The following ABHD17C variants were observed in gnomAD, a reference collection of about 807,000 sequenced individuals.
ABHD17C encodes abhydrolase domain containing 17C, depalmitoylase, also known as alpha/beta hydrolase domain-containing protein 17C.
A neutral mutation model predicts 27.9 loss-of-function variants in ABHD17C; 11 were observed. The ratio of observed to expected loss-of-function variants is 0.39; its 90% CI spans 0.25 to 0.65. ABHD17C has a LOEUF of 0.65. Among genes scored for constraint, ABHD17C ranks in the 30% least tolerant of loss-of-function variants. The probability of loss-of-function intolerance (pLI) is 0.45; values close to 1 mark genes in which losing one functional copy is unlikely to be tolerated. For missense variants in ABHD17C, 280 were observed against 470.2 expected, an observed-to-expected ratio of 0.60 and a Z score of 3.74; for synonymous variants, 233 against 209.1, an observed-to-expected ratio of 1.11 and a Z score of -0.98.
intron 1 of ABHD17C, among the ~76,000 whole-genome samples, chr15:80,726,132 T>TGCA (rs1721371790): frequency 1.3e-5 from 2 of 152,274 alleles, no homozygotes. Flanking sequence ...GCTAGTTAAC[T>TGCA]GCAGCAGGAG....
intron 1 of ABHD17C, among the ~76,000 whole-genome samples, chr15:80,700,404 T>C (rs979293413): frequency 6.6e-6 from 1 of 152,150 alleles, no homozygotes; most frequent in Non-Finnish European, 1.5e-5. Context: ...AGAAGTCGTC[T>C]TTGATGCTTC....
intron 1 of ABHD17C, among the ~76,000 whole-genome samples, chr15:80,725,567 C>A (rs907049920): frequency 6.6e-6 from 1 of 152,084 alleles, no homozygotes; most frequent in Non-Finnish European, 1.5e-5. Flanking sequence ...TGATGGAGTT[C>A]AGTAGCATGA....
intron 1 of ABHD17C, among the ~76,000 whole-genome samples, chr15:80,713,781 C>G (rs1470055675): frequency 6.6e-6 from 1 of 151,828 alleles, no homozygotes; most frequent in East Asian, 1.9e-4. Context: ...TGCACTCCAG[C>G]CTGAGTGACA....
chr15:80,750,101 A>C (rs1895345993), intron 2 of ABHD17C, among the ~76,000 whole-genome samples: 1 of 152,212 alleles, frequency 6.6e-6, no homozygotes, highest in Non-Finnish European at 1.5e-5. Flanking sequence ...TAGACACTCA[A>C]AAACTTCAAG....
intron 1 of ABHD17C, among the ~76,000 whole-genome samples, chr15:80,731,118 C>T (rs1214216333): frequency 6.6e-6 from 1 of 152,124 alleles, no homozygotes; most frequent in African/African-American, 2.4e-5. Context: ...CCGTGGGGAC[C>T]AGATCTGGCA....
At chr15:80,740,916 T>C (rs1163644768) in intron 1 of ABHD17C, among the ~76,000 whole-genome samples, 1 of 152,178 alleles carries the variant, frequency 6.6e-6, no homozygotes, top group Non-Finnish European at 1.5e-5. Context: ...CTTACACATT[T>C]AAGTCAGGAC....
chr15:80,743,978 C>G (rs558208262), intron 1 of ABHD17C, among the ~76,000 whole-genome samples: 2 of 152,164 alleles, frequency 1.3e-5, no homozygotes, highest in Non-Finnish European at 2.9e-5. Flanking sequence ...AAAATAAAGG[C>G]TTTAGACTTT....
intron 1 of ABHD17C, among the ~76,000 whole-genome samples, chr15:80,709,580 C>G (rs1028269895): frequency 1.3e-5 from 2 of 152,052 alleles, no homozygotes; most frequent in Non-Finnish European, 2.9e-5. Context: ...CTCGAAGACT[C>G]GCACATCTGG....
At chr15:80,723,134 A>ATGTGTG (rs1375345071) in intron 1 of ABHD17C, among the ~76,000 whole-genome samples, 1 of 41,246 alleles carries the variant, frequency 2.4e-5, no homozygotes, top group Non-Finnish European at 4.5e-5. Context: ...GTGTGTGTGT[A>ATGTGTG]TATATGTGTG....
chr15:80,710,927 G>A (rs1299941227), intron 1 of ABHD17C, among the ~76,000 whole-genome samples: 2 of 152,082 alleles, frequency 1.3e-5, no homozygotes, highest in Non-Finnish European at 2.9e-5. Context: ...CAGGATTGTG[G>A]GGCAGGGCAT....
intron 1 of ABHD17C, among the ~76,000 whole-genome samples, chr15:80,696,691 G>A (rs1894500045): frequency 6.6e-6 from 1 of 152,182 alleles, no homozygotes; most frequent in Non-Finnish European, 1.5e-5. Context: ...CAGGGGCTGG[G>A]AAATCTCTGA....
Position 80,695,386 on chromosome 15 carries a change from G to T in ABHD17C, c.-44G>T. Reference sequence around the variant, plus strand: ...GTCCTCCGTCCTCCCGGGCCAGCCAGCCAGCCAGCCAGCCGGGCCGGCGGC... The same window carrying T: ...GTCCTCCGTCCTCCCGGGCCAGCCATCCAGCCAGCCAGCCGGGCCGGCGGC... On this transcript the variant is annotated 5_prime_UTR_variant, in exon 1 of 3. Transcript: ENST00000258884. The surrounding 1 kb of genome is among the most constrained non-coding windows in gnomAD (Gnocchi z 4.3). 1 of 1,167,820 alleles carries T rather than the reference G, an allele frequency of 8.6e-7. No individual in the cohort carries two copies. The highest frequency in any genetic ancestry group is 2.6e-5 in the South Asian group (1 of 38,268). The allele number at this position is 1,167,820 out of a possible 1,614,324, so 72.3% of individuals were successfully genotyped here. A position where few individuals can be genotyped will look rare whatever the true frequency, so the allele number is the denominator to read the frequency against.
chr15:80,719,216 A>G (rs1405508611), intron 1 of ABHD17C, among the ~76,000 whole-genome samples: 1 of 152,268 alleles, frequency 6.6e-6, no homozygotes, highest in East Asian at 1.9e-4. Flanking sequence ...CCTAATAACC[A>G]GGAACAACTT....
intron 1 of ABHD17C, among the ~76,000 whole-genome samples, chr15:80,716,903 C>T (rs1461585476): frequency 1.3e-5 from 2 of 152,198 alleles, no homozygotes; most frequent in East Asian, 1.9e-4. Context: ...ATTTCTGAGA[C>T]AGGCCCGTAG....
intron 1 of ABHD17C, among the ~76,000 whole-genome samples, chr15:80,696,559 G>A (rs1894497905): frequency 6.6e-6 from 1 of 152,202 alleles, no homozygotes; most frequent in African/African-American, 2.4e-5. Flanking sequence ...CAGGTGGAGC[G>A]GGGAGTTTGC....
At chr15:80,725,022 T>C (rs1894953406) in intron 1 of ABHD17C, among the ~76,000 whole-genome samples, 1 of 152,228 alleles carries the variant, frequency 6.6e-6, no homozygotes, top group Non-Finnish European at 1.5e-5. Flanking sequence ...TATACCCTAG[T>C]GTCTTACAGA....
chr15:80,727,886 T>G (rs1179700778), intron 1 of ABHD17C, among the ~76,000 whole-genome samples: 1 of 152,214 alleles, frequency 6.6e-6, no homozygotes, highest in African/African-American at 2.4e-5. Flanking sequence ...GACTTCACTT[T>G]GCCACTCAAG....
chr15:80,731,015 C>A (rs1215821543), intron 1 of ABHD17C, among the ~76,000 whole-genome samples: 1 of 152,118 alleles, frequency 6.6e-6, no homozygotes, highest in Non-Finnish European at 1.5e-5. Flanking sequence ...GAAGTTACTT[C>A]AAGGCCTTAT....
intron 1 of ABHD17C, among the ~76,000 whole-genome samples, chr15:80,717,237 A>G (rs1894815422): frequency 7.1e-6 from 1 of 141,274 alleles, no homozygotes; most frequent in Admixed American, 7.6e-5. Context: ...GCCAGAGGCC[A>G]GTGAGCATTT....
Sources: gnomAD v4.1 joint callset for allele counts (sites outside exome capture counted in the v4.1 genomes callset) on GRCh38, gnomAD v4.1.1 for gene constraint, Gnocchi (gnomAD v3.1) non-coding constraint, MANE v1.5 for transcripts, NCBI Gene and HGNC (gene_info 2026-07-23, HGNC 2026-07-21) for gene names.